CEP43: variants seen among roughly 807,000 people sequenced by gnomAD.
CEP43 encodes the protein FGFR1 oncogene partner.
In CEP43, 36 loss-of-function variants were observed where a neutral mutation model predicts 52.6. That is an observed-to-expected ratio of 0.68 (90% confidence interval 0.52 to 0.90). CEP43 has a LOEUF of 0.90. Among genes scored for constraint, CEP43 ranks in the 40% least tolerant of loss-of-function variants. CEP43 has a pLI of 0.00. For missense variants in CEP43, 506 were observed against 472.8 expected (o/e 1.07, Z -0.65); for synonymous variants, 192 against 172.4 (o/e 1.11, Z -0.89).
chr6:167,043,265 GC>G lies in CEP43; in HGVS notation c.*3290del, dbSNP rs1203364302. 6.6e-6 allele frequency: 1 copy of G among 152,456 alleles called. No homozygotes were observed. The highest frequency in any genetic ancestry group is 1.5e-5 in the Non-Finnish European group (1 of 68,348). The allele number at this position is 152,456 out of a possible 1,614,324, so 9.4% of individuals were successfully genotyped here. A position where few individuals can be genotyped will look rare whatever the true frequency, so the allele number is the denominator to read the frequency against. On this transcript the variant is annotated 3_prime_UTR_variant, in exon 13 of 13. Coordinates refer to ENST00000366847, the MANE Select transcript of CEP43 (RefSeq NM_007045.4). ...AAAAACACACCCAGCCCAAGTTGGA[GC>G]CCTCCTGTGGCATTGGGTGGGGAGG...
In CEP43 at chr6:167,007,438, G is replaced by A. The variant is rs567188802; in HGVS notation, c.438+3037G>A. ...CTCCCCCAAGTTGCTGAACCAGTAA[G>A]TTGGGCATCTCATCTCCATTTTTTG... On this transcript the variant is annotated intron_variant, in intron 5 of 12. Coordinates refer to ENST00000366847, the MANE Select transcript of CEP43 (RefSeq NM_007045.4). Among the ~76,000 whole-genome samples, 15 of 152,252 alleles carry A rather than the reference G, an allele frequency of 9.9e-5. No homozygotes were observed. In the East Asian group the frequency reaches 2.9e-3, roughly 29 times the overall value.
chr6:167,018,938 A>T (rs998402344), intron 7 of CEP43, among the ~76,000 whole-genome samples: 3 of 152,056 alleles, frequency 2.0e-5, no homozygotes, highest in Non-Finnish European at 4.4e-5. Context: ...TGACTTTATG[A>T]TGGTACAAAA....
chr6:167,010,937 C>A (rs1175184396), intron 6 of CEP43, 44 bp downstream of exon 6: 3 of 1,144,612 alleles, frequency 2.6e-6, no homozygotes, highest in Non-Finnish European at 3.8e-6. Flanking sequence ...GGACTTAACT[C>A]CAGAGTGCTC....
intron 6 of CEP43, among the ~76,000 whole-genome samples, chr6:167,013,052 C>T (rs73026230): frequency 0.02 from 3,080 of 152,276 alleles, 51 homozygotes; most frequent in East Asian, 0.091. Context: ...CTACCTCCTA[C>T]CAAATCAGCC....
At chr6:167,027,170 G>C (rs1780373784) in intron 10 of CEP43, among the ~76,000 whole-genome samples, 1 of 152,172 alleles carries the variant, frequency 6.6e-6, no homozygotes, top group South Asian at 2.1e-4. Context: ...TGTGAGATGT[G>C]TTCAGTTCTG....
chr6:167,022,381 G>A (rs770925274), intron 7 of CEP43, 28 bp from the exon 8 acceptor site: 5 of 1,470,962 alleles, frequency 3.4e-6, no homozygotes, highest in South Asian at 1.2e-5. Flanking sequence ...TCACCAAGGA[G>A]GCCTTTTCTC....
intron 7 of CEP43, among the ~76,000 whole-genome samples, chr6:167,020,076 G>A (rs1286934840): frequency 2.6e-5 from 4 of 152,086 alleles, no homozygotes; most frequent in African/African-American, 9.7e-5. Flanking sequence ...TATTAAAACA[G>A]TGTAAAAATC....
intron 5 of CEP43, among the ~76,000 whole-genome samples, chr6:167,009,907 G>C (rs914090299): frequency 1.3e-5 from 2 of 152,012 alleles, no homozygotes; most frequent in Non-Finnish European, 2.9e-5. Flanking sequence ...AACAAGACTT[G>C]GTAAACTAAT....
At chr6:167,015,322 A>G (rs913627787) in intron 7 of CEP43, among the ~76,000 whole-genome samples, 6 of 152,192 alleles carry the variant, frequency 3.9e-5, no homozygotes, top group Non-Finnish European at 7.4e-5. Flanking sequence ...ATTGTACCCC[A>G]TGTGGCCTAT....
chr6:167,000,255 G>C, intron 2 of CEP43, 142 bp downstream of exon 2: 1 of 596,694 alleles, frequency 1.7e-6, no homozygotes, highest in East Asian at 3.2e-5. Flanking sequence ...ACTATTGAGA[G>C]AGAGCCAAAA....
In CEP43 at chr6:167,044,706, CTT is replaced by C; in HGVS notation, c.*4730_*4731del. The C allele has an allele frequency of 3.3e-6, 1 of 299,872 alleles. No individual in the cohort carries two copies. Among genetic ancestry groups the C allele is most frequent in the Non-Finnish European group, 4.9e-6 (1 of 203,180 alleles). 18.6% of individuals were successfully genotyped at this position (299,872 alleles called of 1,614,324 possible). ...CGAGCTGGCCCCTCGTGTCATCCGA[CTT>C]TGCGTTGTGGCCCTGCCTGCAGAAA... is the stretch of plus-strand genomic sequence containing the variant. On this transcript the variant is annotated 3_prime_UTR_variant, in exon 13 of 13. Transcript: ENST00000366847.
At chr6:167,001,747 TCCCC>T (rs539664591) in intron 2 of CEP43, among the ~76,000 whole-genome samples, 460 of 152,280 alleles carry the variant, frequency 3.0e-3, no homozygotes, top group Non-Finnish European at 4.6e-3. Context: ...ATCTGAAGTG[TCCCC>T]AAGGGAGTGC....
chr6:167,027,289 C>T (rs1200194210), intron 10 of CEP43, among the ~76,000 whole-genome samples: 2 of 152,168 alleles, frequency 1.3e-5, no homozygotes, highest in Non-Finnish European at 2.9e-5. Context: ...GTTGAGAGCA[C>T]ATTTCTCATT....
intron 12 of CEP43, among the ~76,000 whole-genome samples, chr6:167,034,643 G>C (rs1162487979): frequency 2.6e-5 from 4 of 152,098 alleles, no homozygotes; most frequent in Non-Finnish European, 5.9e-5. Flanking sequence ...TTCTCCAAGC[G>C]CTGTGATTGT....
chr6:167,020,241 C>T (rs3798313), intron 7 of CEP43, among the ~76,000 whole-genome samples: 2,800 of 152,190 alleles, frequency 0.018, 46 homozygotes, highest in East Asian at 0.091. Flanking sequence ...TTTCAGACAT[C>T]TCTTTATAAT....
intron 7 of CEP43, among the ~76,000 whole-genome samples, chr6:167,018,899 A>G (rs572358477): frequency 5.9e-5 from 9 of 152,302 alleles, no homozygotes; most frequent in South Asian, 2.1e-4. Context: ...ATGGTCCCCA[A>G]TGTTACAACA....
In CEP43 at chr6:167,003,236, A is replaced by G. The variant is rs749308236; in HGVS notation, c.200A>G (p.Asn67Ser). Residue 67 changes from asparagine (N) to serine (S), a missense_variant, in exon 3 of 13, where the codon AAT (asparagine) becomes AGT (serine). Asn to Ser is a conservative substitution (Grantham distance 46, BLOSUM62 1). Coordinates refer to ENST00000366847, the MANE Select transcript of CEP43 (RefSeq NM_007045.4). ...LVNESLKKFL[N>S]TKDGRLVASL... Reference sequence around the variant, plus strand: ...AATGAGAGCCTGAAAAAGTTTTTAAATACCAAAGACGGTAAGATGTTCAGT... The same window carrying G: ...AATGAGAGCCTGAAAAAGTTTTTAAGTACCAAAGACGGTAAGATGTTCAGT... 1.3e-6 allele frequency: 2 copies of G among 1,499,964 alleles called. No homozygotes were observed. The highest frequency in any genetic ancestry group is 1.8e-6 in the Non-Finnish European group (2 of 1,105,686). 92.9% of individuals were successfully genotyped at this position (1,499,964 alleles called of 1,614,324 possible). A position where few individuals can be genotyped will look rare whatever the true frequency, so the allele number is the denominator to read the frequency against.
Position 167,001,720 on chromosome 6 carries a change from G to T in CEP43, c.157-1473G>T, listed in dbSNP as rs1177494133. ...ACCTGCTCAGCCATCACCTGGCTCTGTGTCTGTCAGGTGTGTATCTGAAGT... is the reference window on the plus strand; with the variant it reads ...ACCTGCTCAGCCATCACCTGGCTCTTTGTCTGTCAGGTGTGTATCTGAAGT... On this transcript the variant is annotated intron_variant, in intron 2 of 12. Transcript: ENST00000366847. Among the ~76,000 whole-genome samples, 4 of 152,188 alleles carry T rather than the reference G, an allele frequency of 2.6e-5. No homozygotes were observed. In the East Asian group the frequency reaches 7.7e-4, roughly 29 times the overall value.
chr6:167,024,944 A>AT, intron 9 of CEP43, 50 bp downstream of exon 9: 1 of 973,784 alleles, frequency 1.0e-6, no homozygotes, highest in Non-Finnish European at 1.6e-6. Flanking sequence ...TTTTTCTCTA[A>AT]TTAAATACTA....
Sources: gnomAD v4.1 joint callset for allele counts (sites outside exome capture counted in the v4.1 genomes callset) on GRCh38, gnomAD v4.1.1 for gene constraint, MANE v1.5 for transcripts, NCBI Gene and HGNC (gene_info 2026-07-23, HGNC 2026-07-21) for gene names.